CCDC148: variants seen among roughly 807,000 people sequenced by gnomAD.
CCDC148 encodes coiled-coil domain containing 148, also known as coiled-coil domain-containing protein 148.
CCDC148 carries 89 observed loss-of-function variants against 85.7 expected under a neutral mutation model. The ratio of observed to expected loss-of-function variants is 1.04; its 90% confidence interval spans 0.87 to 1.24. The LOEUF (loss-of-function observed/expected upper bound fraction) is 1.24, where lower values mean the gene tolerates loss of function less well. CCDC148 is among the 50% of genes most tolerant of loss of function. The pLI is 0.00. For synonymous variants in CCDC148, 230 were observed against 213.9 expected (o/e 1.08, Z -0.66); for missense variants, 692 against 671.7 (o/e 1.03, Z -0.33).
chr2:158,337,830 A>G (rs943833035), intron 7 of CCDC148, among the ~76,000 whole-genome samples: 1 of 152,168 alleles, frequency 6.6e-6, no homozygotes, highest in Admixed American at 6.6e-5. Context: ...CCTGTAATTT[A>G]TTTCTTACAA....
intron 9 of CCDC148, among the ~76,000 whole-genome samples, chr2:158,299,130 C>T (rs926491770): frequency 6.6e-6 from 1 of 152,086 alleles, no homozygotes; most frequent in African/African-American, 2.4e-5. Flanking sequence ...TACGGCATGG[C>T]CTTTCTAGGG....
At chr2:158,260,394 C>T (rs1383258785) in intron 9 of CCDC148, among the ~76,000 whole-genome samples, 7 of 151,996 alleles carry the variant, frequency 4.6e-5, no homozygotes, top group Non-Finnish European at 7.4e-5. Flanking sequence ...GACAAACCCA[C>T]AGCAACATCA....
At chr2:158,377,024 CTT>C (rs899452800) in intron 1 of CCDC148, among the ~76,000 whole-genome samples, 3 of 151,932 alleles carry the variant, frequency 2.0e-5, no homozygotes, top group African/African-American at 4.8e-5. Context: ...TCAGTCTTCT[CTT>C]GTTTCAATTT....
intron 7 of CCDC148, among the ~76,000 whole-genome samples, chr2:158,337,283 G>A (rs1280484884): frequency 6.6e-6 from 1 of 152,088 alleles, no homozygotes; most frequent in African/African-American, 2.4e-5. Flanking sequence ...GAGGTACTGG[G>A]CCAGCCAACT....
chr2:158,383,725 C>T (rs1293124213), intron 1 of CCDC148, among the ~76,000 whole-genome samples: 1 of 152,150 alleles, frequency 6.6e-6, no homozygotes, highest in Non-Finnish European at 1.5e-5. Context: ...CTCCTGAATA[C>T]TTGAGGGTGT....
chr2:158,417,527 G>A (rs1276244841), intron 1 of CCDC148, among the ~76,000 whole-genome samples: 1 of 152,166 alleles, frequency 6.6e-6, no homozygotes, highest in Non-Finnish European at 1.5e-5. Flanking sequence ...AACTTTGCTT[G>A]GGGACTCCAC....
chr2:158,328,432 G>C (rs539154687), intron 7 of CCDC148, among the ~76,000 whole-genome samples: 1 of 152,238 alleles, frequency 6.6e-6, no homozygotes, highest in African/African-American at 2.4e-5. Context: ...ATCTGGGTTG[G>C]TTCCAAGTCT....
At chr2:158,323,919 C>CTTTTTT (rs777356867) in intron 7 of CCDC148, among the ~76,000 whole-genome samples, 5 of 82,968 alleles carry the variant, frequency 6.0e-5, no homozygotes, top group African/African-American at 8.5e-5. Flanking sequence ...CTGGGAATAA[C>CTTTTTT]TTTTTTTTTT....
intron 3 of CCDC148, 119 bp downstream of exon 3, chr2:158,345,096 C>G: frequency 1.6e-6 from 1 of 636,368 alleles, no homozygotes; most frequent in East Asian, 3.1e-5. Context: ...ACATTCAAAT[C>G]GTAACTTTAA....
rs116755279 is a variant in CCDC148, at chr2:158,260,749, T to C, written c.1111-9837A>G. On this transcript the variant is annotated intron_variant, in intron 9 of 13. Coordinates refer to ENST00000283233, the MANE Select transcript of CCDC148 (RefSeq NM_138803.4). The stretch of plus-strand genomic sequence containing the variant: ...GCCAAGCTGAGAGCCAAAACACGAA[T>C]GCAATCTGATTCACAATTGTCACAA... Among the ~76,000 whole-genome samples the C allele has an allele frequency of 4.9e-3, 745 of 152,030 alleles. 2 individuals carry two copies. The highest frequency in any genetic ancestry group is 0.016 in the African/African-American group (682 of 41,506).
At chr2:158,343,378 G>A (rs574620551) in intron 3 of CCDC148, among the ~76,000 whole-genome samples, 31 of 152,216 alleles carry the variant, frequency 2.0e-4, no homozygotes, top group Non-Finnish European at 2.5e-4. Flanking sequence ...CATCATCTGA[G>A]ACTCAAGATT....
At chr2:158,376,204 T>C (rs1684643872) in intron 1 of CCDC148, among the ~76,000 whole-genome samples, 2 of 152,110 alleles carry the variant, frequency 1.3e-5, no homozygotes, top group African/African-American at 4.8e-5. Context: ...CAAAATTTCC[T>C]GTCTTAAAAC....
At chr2:158,197,125 G>A (rs1262568160) in intron 11 of CCDC148, among the ~76,000 whole-genome samples, 1 of 152,144 alleles carries the variant, frequency 6.6e-6, no homozygotes, top group Non-Finnish European at 1.5e-5. Context: ...GAATGATTGG[G>A]AATTTTATAC....
At chr2:158,186,095 T>C (rs981621785) in intron 11 of CCDC148, among the ~76,000 whole-genome samples, 2 of 152,204 alleles carry the variant, frequency 1.3e-5, no homozygotes, top group Middle Eastern at 6.8e-3. Context: ...AGGCTGAGTT[T>C]TTCTGGCTCC....
At chr2:158,434,828 A>G (rs1687559536) in intron 1 of CCDC148, among the ~76,000 whole-genome samples, 2 of 152,240 alleles carry the variant, frequency 1.3e-5, no homozygotes, top group South Asian at 4.1e-4. Context: ...TACTTGACAC[A>G]TGCACAAGCT....
At chr2:158,389,255 C>T (rs978780341) in intron 1 of CCDC148, among the ~76,000 whole-genome samples, 14 of 152,132 alleles carry the variant, frequency 9.2e-5, no homozygotes, top group East Asian at 3.9e-4. Context: ...ATTCTCTCTA[C>T]GACTTGAGGA....
chr2:158,274,201 T>C (rs1450528787), intron 9 of CCDC148, among the ~76,000 whole-genome samples: 1 of 152,224 alleles, frequency 6.6e-6, no homozygotes, highest in African/African-American at 2.4e-5. Flanking sequence ...GCAGCACAAG[T>C]ATCATCTAGG....
At position 158,310,578 on chromosome 2, in the gene CCDC148, G is replaced by A. The variant is rs371037655; in HGVS notation, c.904-939C>T. ...CCACCTCCCAGACAGGGCGGCTGCC[G>A]GGCGGAGGGGCTCCTCACTTCTCAG... On this transcript the variant is annotated intron_variant, in intron 8 of 13. Coordinates refer to ENST00000283233, the MANE Select transcript of CCDC148 (RefSeq NM_138803.4). Among the ~76,000 whole-genome samples the A allele has an allele frequency of 1.1e-4, 17 of 151,728 alleles. 1 individual carries two copies. The highest frequency in any genetic ancestry group is 5.9e-4 in the Admixed American group (9 of 15,266).
At chr2:158,436,795 A>G (rs1029000974) in intron 1 of CCDC148, among the ~76,000 whole-genome samples, 1 of 152,216 alleles carries the variant, frequency 6.6e-6, no homozygotes, top group Non-Finnish European at 1.5e-5. Context: ...TAAAGGGGAT[A>G]TCACCACTGA....
Sources: allele counts gnomAD v4.1 joint callset (sites outside exome capture counted in the v4.1 genomes callset), GRCh38; gene constraint gnomAD v4.1.1; transcripts MANE v1.5; gene names NCBI Gene and HGNC (gene_info 2026-07-23, HGNC 2026-07-21).